The following OPHN1 variants were observed in gnomAD, a reference collection of about 807,000 sequenced individuals.
OPHN1 encodes the protein oligophrenin 1.
A neutral mutation model predicts 60.7 loss-of-function variants in OPHN1; 11 were observed. The observed-to-expected ratio is 0.18, with a 90% CI of 0.11 to 0.30. The LOEUF is 0.30. Among genes scored for constraint, OPHN1 ranks in the 10% least tolerant of loss-of-function variants. OPHN1 has a pLI of 1.00. For synonymous variants in OPHN1, 226 were observed against 222.6 expected, an observed-to-expected ratio of 1.02 and a Z score of -0.14; for missense variants, 449 against 611.0, an observed-to-expected ratio of 0.73 and a Z score of 2.80.
At chrX:68,076,196 T>C (rs1175899072) in intron 19 of OPHN1, among the ~76,000 whole-genome samples, 3 of 110,776 alleles carry the variant, frequency 2.7e-5, no homozygotes, top group African/African-American at 6.5e-5. Flanking sequence ...AAAGAAAACA[T>C]ACAAATGGCA....
intron 2 of OPHN1, among the ~76,000 whole-genome samples, chrX:68,323,975 C>T (rs374991523): frequency 2.7e-5 from 3 of 111,838 alleles, no homozygotes; most frequent in Admixed American, 1.9e-4. Flanking sequence ...TGACCACTAT[C>T]TATTAAAAGC....
chrX:68,079,000 T>C (rs1349577338), intron 19 of OPHN1, among the ~76,000 whole-genome samples: 2 of 107,451 alleles, frequency 1.9e-5, no homozygotes, highest in African/African-American at 6.8e-5. Context: ...AATAAATAAA[T>C]AAATAAATAA....
intron 3 of OPHN1, among the ~76,000 whole-genome samples, chrX:68,283,404 T>C (rs1407055659): frequency 8.9e-6 from 1 of 111,969 alleles, no homozygotes; most frequent in East Asian, 2.8e-4. Flanking sequence ...GCTAAAAGAT[T>C]AGGGAAGGGG....
At chrX:68,309,869 G>A (rs981762530) in intron 2 of OPHN1, among the ~76,000 whole-genome samples, 5 of 111,886 alleles carry the variant, frequency 4.5e-5, no homozygotes, top group Non-Finnish European at 7.5e-5. Flanking sequence ...CTAAAGGAAA[G>A]AAGGCTGAGA....
intron 5 of OPHN1, among the ~76,000 whole-genome samples, chrX:68,257,540 T>C (rs760520572): frequency 1.8e-5 from 2 of 111,281 alleles, no homozygotes; most frequent in East Asian, 2.8e-4. Context: ...CTGTAAAAAT[T>C]AGATGGCAGT....
chrX:68,234,653 G>A, intron 5 of OPHN1, 65 bp from the exon 6 acceptor site: 1 of 839,518 alleles, frequency 1.2e-6, no homozygotes, highest in Non-Finnish European at 1.8e-6. Flanking sequence ...GCTTAGAAAG[G>A]AGAATGAAGG....
At chrX:68,214,625 T>C (rs1803938415) in intron 6 of OPHN1, among the ~76,000 whole-genome samples, 1 of 111,871 alleles carries the variant, frequency 8.9e-6, no homozygotes, top group South Asian at 3.7e-4. Context: ...ACAAGGCATA[T>C]TAAAAGGCAA....
At chrX:68,118,278 A>G in intron 16 of OPHN1, among the ~76,000 whole-genome samples, 1 of 111,888 alleles carries the variant, frequency 8.9e-6, no homozygotes, top group South Asian at 3.8e-4. Context: ...TTAATGGGAG[A>G]AAAAAACAAT....
chrX:68,185,717 C>T (rs1223096388), intron 15 of OPHN1, among the ~76,000 whole-genome samples: 2 of 109,780 alleles, frequency 1.8e-5, no homozygotes, highest in Non-Finnish European at 3.8e-5. Flanking sequence ...TAAACACTAG[C>T]GTATGCAGTG....
intron 2 of OPHN1, among the ~76,000 whole-genome samples, chrX:68,359,800 G>A (rs1206904050): frequency 8.5e-5 from 8 of 93,717 alleles, no homozygotes; most frequent in Non-Finnish European, 1.4e-4. Context: ...AGCTTGCAGT[G>A]AACGGAGATC....
chrX:68,230,429 A>T (rs1408922131), intron 6 of OPHN1, among the ~76,000 whole-genome samples: 1 of 111,176 alleles, frequency 9.0e-6, no homozygotes, highest in African/African-American at 3.3e-5. Flanking sequence ...TATCCAAAGG[A>T]TTATAAATCA....
chrX:68,411,315 TG>T (rs1289996120), intron 2 of OPHN1, among the ~76,000 whole-genome samples: 1 of 112,211 alleles, frequency 8.9e-6, no homozygotes, highest in African/African-American at 3.2e-5. Context: ...ATGGGATTGT[TG>T]GGTCGAATGG....
At chrX:68,211,304 T>A (rs1282353925) in intron 8 of OPHN1, among the ~76,000 whole-genome samples, 3 of 112,458 alleles carry the variant, frequency 2.7e-5, no homozygotes, top group Non-Finnish European at 1.9e-5. Context: ...AGTCACCAAC[T>A]CAGTAATGCC....
chrX:68,371,069 G>C (rs1344308825), intron 2 of OPHN1, among the ~76,000 whole-genome samples: 2 of 111,285 alleles, frequency 1.8e-5, no homozygotes, highest in Admixed American at 9.6e-5. Flanking sequence ...CAAAGGCAGA[G>C]AGACCCACAA....
chrX:68,112,258 A>AC (rs2077108696), intron 17 of OPHN1: 1 of 224,816 alleles, frequency 4.4e-6, no homozygotes, highest in Non-Finnish European at 8.0e-6. Flanking sequence ...AGAGAAAAAA[A>AC]ACACACACAA....
At chrX:68,237,437 A>C (rs758076817) in intron 5 of OPHN1, among the ~76,000 whole-genome samples, 1 of 112,387 alleles carries the variant, frequency 8.9e-6, no homozygotes, top group African/African-American at 3.2e-5. Flanking sequence ...CTGTAGATCA[A>C]CTTGATGAGT....
chrX:68,125,105 A>G (rs1362102362), intron 15 of OPHN1, among the ~76,000 whole-genome samples: 1 of 112,060 alleles, frequency 8.9e-6, no homozygotes, highest in Non-Finnish European at 1.9e-5. Flanking sequence ...CAGTGGGCCA[A>G]TGGTAAAATT....
intron 2 of OPHN1, among the ~76,000 whole-genome samples, chrX:68,376,814 A>G (rs1413360791): frequency 1.8e-5 from 2 of 111,854 alleles, no homozygotes; most frequent in African/African-American, 6.5e-5. Flanking sequence ...ATTCCTGGAA[A>G]GACTTAAAAG....
intron 10 of OPHN1, among the ~76,000 whole-genome samples, chrX:68,205,504 A>G (rs773267642): frequency 9.0e-6 from 1 of 111,162 alleles, no homozygotes; most frequent in South Asian, 3.9e-4. Flanking sequence ...GATTCCAGAA[A>G]CTCTGTTTGA....
Sources: allele counts gnomAD v4.1 joint callset (sites outside exome capture counted in the v4.1 genomes callset), GRCh38; gene constraint gnomAD v4.1.1; transcripts MANE v1.5; gene names NCBI Gene and HGNC (gene_info 2026-07-23, HGNC 2026-07-21).